Variants in FAT4 observed in about 807,000 individuals in gnomAD.
FAT4 encodes FAT atypical cadherin 4.
FAT4 carries 84 observed loss-of-function variants against 303.9 expected under a neutral mutation model. The ratio of observed to expected loss-of-function variants is 0.28; its 90% CI spans 0.23 to 0.33. The LOEUF is 0.33. Among genes scored for constraint, FAT4 ranks in the 10% least tolerant of loss-of-function variants. The pLI is 1.00. For synonymous variants in FAT4, 2,307 were observed against 2,298.8 expected, an observed-to-expected ratio of 1.00 and a Z score of -0.10; for missense variants, 6,005 against 6,146.8, an observed-to-expected ratio of 0.98 and a Z score of 0.77.
intron 2 of FAT4, among the ~76,000 whole-genome samples, chr4:125,326,287 G>T (rs978728019): frequency 6.6e-6 from 1 of 151,656 alleles, no homozygotes; most frequent in Non-Finnish European, 1.5e-5. Flanking sequence ...TCTTTCACAG[G>T]GTTTTGAATC....
intron 2 of FAT4, among the ~76,000 whole-genome samples, chr4:125,336,843 T>C (rs980662612): frequency 3.8e-5 from 5 of 130,132 alleles, no homozygotes; most frequent in Admixed American, 1.6e-4. Flanking sequence ...AAAACAAAAT[T>C]AGGCAGAACT....
In FAT4 at chr4:125,320,298, A is replaced by G; in HGVS notation, c.3887A>G (p.Asn1296Ser). The G allele has an allele frequency of 6.2e-7, 1 of 1,613,886 alleles. No individual in the cohort carries two copies. Among genetic ancestry groups the G allele is most frequent in the Non-Finnish European group, 8.5e-7 (1 of 1,179,772 alleles). Reference protein sequence around the residue: ...QAVDSGTIPLNSTCTLNIDIL... With the variant: ...QAVDSGTIPLSSTCTLNIDIL... Reference sequence around the variant, plus strand: ...GTGGATTCAGGGACAATCCCCCTCAATTCAACGTGTACTTTAAATATTGAT... The same window carrying G: ...GTGGATTCAGGGACAATCCCCCTCAGTTCAACGTGTACTTTAAATATTGAT... The change falls in exon 2 of 18, where the codon AAT becomes AGT. Residue 1296 changes from asparagine (N) to serine (S), a missense_variant. By Grantham distance (46) the Asn-to-Ser change is conservative (BLOSUM62 1). Transcript: ENST00000394329.
Position 125,408,646 on chromosome 4 carries a change from A to G in FAT4, c.5772A>G (p.Gln1924=), listed in dbSNP as rs758644428. Residue 1924 remains glutamine, a synonymous_variant, in exon 5 of 18, where the codon CAA becomes CAG. Coordinates refer to ENST00000394329, the MANE Select transcript of FAT4 (RefSeq NM_001291303.3). ...TTCGAGCAGAAGATGGTGGGGGACA[A>G]TTTACTACCATCAGAGTTTATTTCA... The part of the protein sequence containing the change: ...LTVRAEDGGG[Q]FTTIRVYFNI... 1.9e-6 allele frequency: 3 copies of G among 1,611,110 alleles called. No individual in the cohort carries two copies. Among genetic ancestry groups the G allele is most frequent in the Non-Finnish European group, 8.5e-7 (1 of 1,177,730 alleles).
chr4:125,481,214 C>A (rs1264159841), intron 15 of FAT4, among the ~76,000 whole-genome samples: 2 of 152,160 alleles, frequency 1.3e-5, no homozygotes, highest in Non-Finnish European at 2.9e-5. Flanking sequence ...ATATTACCAA[C>A]AAGTGCCTGT....
In FAT4 at chr4:125,469,846, C is replaced by T. The variant is rs371083264; in HGVS notation, c.12213+1027C>T. 9.2e-5 allele frequency among the ~76,000 whole-genome samples: 14 copies of T among 152,256 alleles called. No individual in the cohort carries two copies. In the East Asian group the frequency reaches 1.7e-3, roughly 19 times the overall value. ...TAATATTTGATATTTTGACCTCCTT[C>T]CATTAATCATGAATGTTCTTCATGG... On this transcript the variant is annotated intron_variant, in intron 12 of 17. Transcript: ENST00000394329.
chr4:125,383,008 T>A (rs1239854267), intron 2 of FAT4, among the ~76,000 whole-genome samples: 1 of 152,174 alleles, frequency 6.6e-6, no homozygotes, highest in Admixed American at 6.5e-5. Context: ...AGGGTCTTGC[T>A]CTGTATTAGG....
At chr4:125,354,670 C>T (rs569623487) in intron 2 of FAT4, among the ~76,000 whole-genome samples, 13 of 143,780 alleles carry the variant, frequency 9.0e-5, no homozygotes, top group South Asian at 6.5e-4. Flanking sequence ...CTCAGTTCAA[C>T]AGGAAAATGT....
chr4:125,483,642 G>T (rs955405227), intron 16 of FAT4, among the ~76,000 whole-genome samples: 1 of 151,856 alleles, frequency 6.6e-6, no homozygotes, highest in Admixed American at 6.6e-5. Flanking sequence ...TTCCTGAAAG[G>T]AAAGTAAGTG....
chr4:125,458,891 G>T (rs1044602464), intron 10 of FAT4, among the ~76,000 whole-genome samples: 4 of 151,934 alleles, frequency 2.6e-5, no homozygotes, highest in Admixed American at 1.3e-4. Flanking sequence ...AGGATACTTA[G>T]ACTATCTTCA....
At chr4:125,408,911 A>G in intron 5 of FAT4, 117 bp downstream of exon 5, 1 of 504,616 alleles carries the variant, frequency 2.0e-6, no homozygotes, top group Non-Finnish European at 3.3e-6. Context: ...TATAGGTTGG[A>G]AGTTGAGGAA....
chr4:125,463,661 C>T lies in FAT4; in HGVS notation c.11899C>T (p.Pro3967Ser). The change falls in exon 11 of 18, where the codon CCA becomes TCA. Residue 3967 changes from proline to serine, a missense_variant. Pro to Ser is a moderately conservative substitution (Grantham distance 74). Coordinates refer to ENST00000394329, the MANE Select transcript of FAT4 (RefSeq NM_001291303.3). ...SGVDSYYCHCPFGVFGKHCEL... is the reference protein window; with the variant it reads ...SGVDSYYCHCSFGVFGKHCEL... ...TGTGGATTCTTATTATTGTCATTGT[C>T]CATTTGGTGAGTAAAACTTATTTGT... is the stretch of plus-strand genomic sequence containing the variant. The T allele has an allele frequency of 3.9e-6, 6 of 1,552,434 alleles. No homozygotes were observed. Among genetic ancestry groups the T allele is most frequent in the Non-Finnish European group, 5.3e-6 (6 of 1,140,596 alleles).
In FAT4 at chr4:125,491,084, G is replaced by C; in HGVS notation, c.14268G>C (p.Lys4756Asn). ...NYATRLGRRS[K>N]SPQAMASHGS... is the part of the protein sequence containing the mutation. ...CCACAAGGCTGGGAAGGAGAAGCAA[G>C]AGTCCTCAGGCCATGGCATCACATG... The change falls in exon 18 of 18, where the codon AAG becomes AAC. Residue 4756 changes from lysine (K) to asparagine (N), a missense_variant. Physicochemically the swap from Lys to Asn is moderately conservative, Grantham distance 94 (BLOSUM62 0). Coordinates refer to ENST00000394329, the MANE Select transcript of FAT4 (RefSeq NM_001291303.3). 1 of 1,614,218 alleles carries C rather than the reference G, an allele frequency of 6.2e-7. No homozygotes were observed. The highest frequency in any genetic ancestry group is 1.1e-5 in the South Asian group (1 of 91,086).
At position 125,477,158 on chromosome 4, in the gene FAT4, T is replaced by A; in HGVS notation, c.12303T>A (p.Thr4101=). The change falls in exon 14 of 18, where the codon ACT becomes ACA. Residue 4101 remains threonine (T), a synonymous_variant. Coordinates refer to ENST00000394329, the MANE Select transcript of FAT4 (RefSeq NM_001291303.3). ...VSNVAVSDDW[T]LDVQPNRVTV... Reference sequence around the variant, plus strand: ...ATATCTTCCATTATTTATTTAGGACTCTTGATGTTCAGCCAAATAGAGTTA... The same window carrying A: ...ATATCTTCCATTATTTATTTAGGACACTTGATGTTCAGCCAAATAGAGTTA... The A allele has an allele frequency of 7.4e-7, 1 of 1,356,990 alleles. No individual in the cohort carries two copies. The highest frequency in any genetic ancestry group is 9.6e-7 in the Non-Finnish European group (1 of 1,043,994). The allele number at this position is 1,356,990 out of a possible 1,614,324, so 84.1% of individuals were successfully genotyped here. A position where few individuals can be genotyped will look rare whatever the true frequency, so the allele number is the denominator to read the frequency against.
intron 2 of FAT4, among the ~76,000 whole-genome samples, chr4:125,329,789 C>A (rs1731303824): frequency 6.6e-6 from 1 of 152,194 alleles, no homozygotes; most frequent in Non-Finnish European, 1.5e-5. Flanking sequence ...CTTCACCCAT[C>A]TTCTTTTCAG....
At chr4:125,354,054 C>A (rs1038008384) in intron 2 of FAT4, among the ~76,000 whole-genome samples, 1 of 151,488 alleles carries the variant, frequency 6.6e-6, no homozygotes, top group African/African-American at 2.4e-5. Context: ...AATATGCTTT[C>A]TTAAAGGCAA....
chr4:125,320,598 G>A lies in FAT4; in HGVS notation c.4187G>A (p.Gly1396Glu). 1 of 1,614,116 alleles carries A rather than the reference G, an allele frequency of 6.2e-7. No individual in the cohort carries two copies. Among genetic ancestry groups the A allele is most frequent in the Non-Finnish European group, 8.5e-7 (1 of 1,179,978 alleles). Reference protein sequence around the residue: ...YKLNITAKDQGRPPRSSTMSV... With the variant: ...YKLNITAKDQERPPRSSTMSV... ...TTAAATATAACAGCAAAAGACCAAG[G>A]AAGACCTCCTCGTTCATCTACAATG... Residue 1396 changes from glycine to glutamate, a missense_variant, in exon 2 of 18, where the codon GGA (glycine) becomes GAA (glutamate). Transcript: ENST00000394329.
At chr4:125,429,917 G>A (rs1725224374) in intron 7 of FAT4, among the ~76,000 whole-genome samples, 1 of 152,038 alleles carries the variant, frequency 6.6e-6, no homozygotes, top group Admixed American at 6.6e-5. Flanking sequence ...CTTCAAATAG[G>A]ATGTATCCAC....
At chr4:125,413,931 T>A (rs11939811) in intron 5 of FAT4, among the ~76,000 whole-genome samples, 22,747 of 151,978 alleles carry the variant, frequency 0.15, 1,861 homozygotes, top group South Asian at 0.27. Context: ...TCCCAGAATA[T>A]ACATCTTTAT....
intron 7 of FAT4, among the ~76,000 whole-genome samples, chr4:125,428,122 A>G (rs1309416273): frequency 6.6e-6 from 1 of 151,970 alleles, no homozygotes; most frequent in Non-Finnish European, 1.5e-5. Context: ...ACAAGGTGAA[A>G]CCCCGTCTCT....
Sources: allele counts gnomAD v4.1 joint callset (sites outside exome capture counted in the v4.1 genomes callset), GRCh38; gene constraint gnomAD v4.1.1; transcripts MANE v1.5; gene names NCBI Gene and HGNC (gene_info 2026-07-23, HGNC 2026-07-21).